Variants in SEC24D observed in about 807,000 individuals in gnomAD.
SEC24D encodes the protein SEC24 homolog D, COPII component.
SEC24D carries 69 observed loss-of-function variants against 116.9 expected under a neutral mutation model. The observed-to-expected ratio is 0.59, with a 90% CI of 0.49 to 0.72. The LOEUF (loss-of-function observed/expected upper bound fraction) is 0.72, where lower values mean the gene tolerates loss of function less well. SEC24D is among the 30% of genes least tolerant of loss of function. The pLI, the probability that SEC24D is intolerant of heterozygous loss-of-function variation, is 0.00. For synonymous variants in SEC24D, 405 were observed against 442.8 expected (o/e 0.91, Z 1.07); for missense variants, 1,131 against 1,264.1 (o/e 0.89, Z 1.60).
intron 8 of SEC24D, among the ~76,000 whole-genome samples, chr4:118,796,451 A>C (rs547663231): frequency 6.6e-6 from 1 of 152,302 alleles, no homozygotes; most frequent in South Asian, 2.1e-4. Context: ...ACCATACCAC[A>C]CGTAAGTTTG....
intron 7 of SEC24D, among the ~76,000 whole-genome samples, chr4:118,799,207 T>C (rs888831336): frequency 2.6e-5 from 4 of 152,144 alleles, no homozygotes; most frequent in Non-Finnish European, 4.4e-5. Context: ...GTTAAGGGCA[T>C]ATAAGGTGTG....
At chr4:118,729,345 G>C (rs989492746) in intron 21 of SEC24D, 2 of 152,242 alleles carry the variant, frequency 1.3e-5, no homozygotes, top group Admixed American at 6.5e-5. Context: ...AGGGACTTCA[G>C]CATCTGTTAA....
chr4:118,828,190 G>A (rs1730666482), intron 2 of SEC24D, among the ~76,000 whole-genome samples: 1 of 151,750 alleles, frequency 6.6e-6, no homozygotes. Flanking sequence ...CTCACTGCAA[G>A]CTCCGCCTCC....
intron 2 of SEC24D, among the ~76,000 whole-genome samples, chr4:118,829,121 T>C (rs1010441607): frequency 5.9e-5 from 9 of 152,262 alleles, no homozygotes; most frequent in African/African-American, 9.6e-5. Context: ...ATTTCTTTAG[T>C]GCATTTCTCA....
At chr4:118,748,712 G>C (rs1257396056) in intron 13 of SEC24D, among the ~76,000 whole-genome samples, 1 of 151,532 alleles carries the variant, frequency 6.6e-6, no homozygotes, top group Non-Finnish European at 1.5e-5. Context: ...TTTTTTAATA[G>C]AAAAGACTAT....
intron 22 of SEC24D, among the ~76,000 whole-genome samples, chr4:118,727,935 C>T (rs1327677930): frequency 2.0e-5 from 3 of 152,156 alleles, no homozygotes; most frequent in Middle Eastern, 3.4e-3. Flanking sequence ...CTTGTAGACA[C>T]GTGCCTCCAG....
In SEC24D at chr4:118,732,723, G is replaced by A; in HGVS notation, c.2676+10C>T. 6.2e-7 allele frequency: 1 copy of A among 1,612,900 alleles called. No individual in the cohort carries two copies. The highest frequency in any genetic ancestry group is 1.1e-5 in the South Asian group (1 of 90,864). On this transcript the variant is annotated intron_variant, in intron 20 of 22. Transcript: ENST00000280551. ...CTCCTCTGGGAAATGCACCACCCCA[G>A]CATGCTTACTATGGGCAGAAGTTGT...
intron 10 of SEC24D, chr4:118,764,349 G>A (rs974875754): frequency 1.3e-5 from 2 of 154,770 alleles, no homozygotes; most frequent in Non-Finnish European, 2.9e-5. Flanking sequence ...GTGTAAGGGG[G>A]ATTCTGAGAG....
At chr4:118,723,689 T>C (rs369891362) in intron 22 of SEC24D, 34 bp from the exon 23 acceptor site, 6 of 1,586,808 alleles carry the variant, frequency 3.8e-6, no homozygotes, top group Non-Finnish European at 5.1e-6. Flanking sequence ...TAACAGCCCC[T>C]GGTTATAAAC....
chr4:118,792,813 G>A (rs1728989784), intron 8 of SEC24D, among the ~76,000 whole-genome samples: 1 of 152,138 alleles, frequency 6.6e-6, no homozygotes, highest in South Asian at 2.1e-4. Context: ...ATGTTTATCT[G>A]CTGACCTTCC....
At chr4:118,733,098 AGTT>A in intron 19 of SEC24D, 186 bp from the exon 20 acceptor site, 3 of 547,434 alleles carry the variant, frequency 5.5e-6, no homozygotes, top group East Asian at 6.3e-5. Context: ...AAAGAGCAGC[AGTT>A]GTTTTTATTT....
Position 118,741,050 on chromosome 4 carries a change from AG to A in SEC24D, c.1996-14del, listed in dbSNP as rs1381790229. 2 of 1,449,484 alleles carry A rather than the reference AG, an allele frequency of 1.4e-6. No individual in the cohort carries two copies. Among genetic ancestry groups the A allele is most frequent in the African/African-American group, 2.8e-5 (2 of 71,056 alleles). 89.8% of individuals were successfully genotyped at this position (1,449,484 alleles called of 1,614,324 possible). A position where few individuals can be genotyped will look rare whatever the true frequency, so the allele number is the denominator to read the frequency against. On this transcript the variant is annotated splice_polypyrimidine_tract_variant and intron_variant, in intron 15 of 22. Coordinates refer to ENST00000280551, the MANE Select transcript of SEC24D (RefSeq NM_014822.4). The stretch of plus-strand genomic sequence containing the variant: ...TATCCAAGTGCATCTAAAAAATAAA[AG>A]TCTAATCAATGTCCACCAGATGGCA...
intron 7 of SEC24D, among the ~76,000 whole-genome samples, chr4:118,799,829 T>C (rs1578449428): frequency 6.6e-6 from 1 of 152,080 alleles, no homozygotes; most frequent in East Asian, 1.9e-4. Context: ...AGGAGAAGAA[T>C]TGGCAATAGT....
intron 12 of SEC24D, 131 bp downstream of exon 12, chr4:118,752,566 T>C: frequency 1.6e-6 from 1 of 621,426 alleles, no homozygotes; most frequent in East Asian, 3.1e-5. Flanking sequence ...ACATAAATGA[T>C]AGAGTTTTAT....
At chr4:118,821,974 G>C (rs115915203) in intron 3 of SEC24D, among the ~76,000 whole-genome samples, 1 of 152,184 alleles carries the variant, frequency 6.6e-6, no homozygotes, top group Non-Finnish European at 1.5e-5. Context: ...AGTAAAATCT[G>C]TCAGTACTTC....
Position 118,833,600 on chromosome 4 carries a change from A to G in SEC24D, c.97T>C (p.Ser33Pro). The G allele has an allele frequency of 6.2e-7, 1 of 1,613,326 alleles. No individual in the cohort carries two copies. Among genetic ancestry groups the G allele is most frequent in the Non-Finnish European group, 8.5e-7 (1 of 1,179,340 alleles). ...PPHYGHYGDPSHTASPTGMMK... is the reference protein window; with the variant it reads ...PPHYGHYGDPPHTASPTGMMK... ...GTACCTGTTGGAGATGCTGTGTGCG[A>G]CGGATCCCCATAGTGCCCATAATGA... is the stretch of plus-strand genomic sequence containing the variant. The change falls in exon 2 of 23, where the codon TCG becomes CCG. Residue 33 changes from serine (S) to proline (P), a missense_variant. Transcript: ENST00000280551.
At chr4:118,727,184 T>G (rs535318825) in intron 22 of SEC24D, among the ~76,000 whole-genome samples, 1 of 152,360 alleles carries the variant, frequency 6.6e-6, no homozygotes, top group Non-Finnish European at 1.5e-5. Flanking sequence ...TCTGTAGATT[T>G]TAGATATTTC....
At chr4:118,746,559 T>A (rs923365838) in intron 13 of SEC24D, among the ~76,000 whole-genome samples, 1 of 152,020 alleles carries the variant, frequency 6.6e-6, no homozygotes, top group Non-Finnish European at 1.5e-5. Flanking sequence ...ATTTCCAACA[T>A]GTCTTTACCC....
chr4:118,798,886 G>T (rs1486551036), intron 7 of SEC24D, among the ~76,000 whole-genome samples: 4 of 152,264 alleles, frequency 2.6e-5, no homozygotes, highest in African/African-American at 9.6e-5. Context: ...CTGGAATGGA[G>T]CCACTGTGGG....
Sources: gnomAD v4.1 joint callset for allele counts (sites outside exome capture counted in the v4.1 genomes callset) on GRCh38, gnomAD v4.1.1 for gene constraint, MANE v1.5 for transcripts, NCBI Gene and HGNC (gene_info 2026-07-23, HGNC 2026-07-21) for gene names.